The following EDIL3 variants were observed in gnomAD, a reference collection of about 807,000 sequenced individuals.
EDIL3 encodes the protein EGF like and discoidin domains 3.
Under a neutral mutation model 67.4 loss-of-function variants are expected in EDIL3, and 37 were observed. That is an observed-to-expected ratio of 0.55 (90% CI 0.42 to 0.72). The LOEUF (loss-of-function observed/expected upper bound fraction) is 0.72, where lower values mean the gene tolerates loss of function less well. Among genes scored for constraint, EDIL3 ranks in the 30% least tolerant of loss-of-function variants. The probability of loss-of-function intolerance (pLI) is 0.00; values close to 1 mark genes in which losing one functional copy is unlikely to be tolerated. For missense variants in EDIL3, 527 were observed against 586.3 expected, an observed-to-expected ratio of 0.90 and a Z score of 1.04; for synonymous variants, 195 against 196.3, an observed-to-expected ratio of 0.99 and a Z score of 0.05.
intron 9 of EDIL3, among the ~76,000 whole-genome samples, chr5:83,967,970 A>C (rs1014349262): frequency 6.6e-6 from 1 of 152,138 alleles, no homozygotes; most frequent in East Asian, 1.9e-4. Context: ...TTAACTCATT[A>C]AACGGAAATG....
At chr5:84,378,614 C>T (rs1748016990) in intron 1 of EDIL3, among the ~76,000 whole-genome samples, 1 of 152,178 alleles carries the variant, frequency 6.6e-6, no homozygotes, top group Admixed American at 6.5e-5. Flanking sequence ...TAAGACCTAA[C>T]TATGACATCT....
intron 1 of EDIL3, among the ~76,000 whole-genome samples, chr5:84,327,889 C>T (rs1293524273): frequency 6.6e-6 from 1 of 151,950 alleles, no homozygotes; most frequent in Non-Finnish European, 1.5e-5. Context: ...TCCTCCTTCG[C>T]CCCTTGAGAG....
chr5:84,202,991 A>G (rs1743878553), intron 3 of EDIL3, among the ~76,000 whole-genome samples: 1 of 152,176 alleles, frequency 6.6e-6, no homozygotes, highest in African/African-American at 2.4e-5. Context: ...GAGACTGGAA[A>G]GACTATATTC....
intron 2 of EDIL3, among the ~76,000 whole-genome samples, chr5:84,235,444 T>C (rs1235364065): frequency 2.6e-5 from 4 of 152,164 alleles, no homozygotes; most frequent in Admixed American, 2.0e-4. Flanking sequence ...ATGGCATCCA[T>C]TGAAGTATTG....
chr5:84,110,171 C>T (rs2112286978), intron 5 of EDIL3, among the ~76,000 whole-genome samples: 1 of 152,118 alleles, frequency 6.6e-6, no homozygotes, highest in South Asian at 2.1e-4. Context: ...GCTTTTTTTG[C>T]TTCTAAACAG....
intron 6 of EDIL3, among the ~76,000 whole-genome samples, chr5:84,098,508 AT>A (rs1281888829): frequency 6.6e-6 from 1 of 151,322 alleles, no homozygotes; most frequent in Non-Finnish European, 1.5e-5. Context: ...CTTCTAAAAA[AT>A]AACTTAGAAA....
intron 6 of EDIL3, among the ~76,000 whole-genome samples, chr5:84,070,953 C>G (rs1327794113): frequency 3.3e-5 from 5 of 152,282 alleles, no homozygotes; most frequent in Non-Finnish European, 7.3e-5. Flanking sequence ...TTCTATTTCT[C>G]TTTCTCATTC....
At chr5:84,139,293 T>C (rs1275485081) in intron 4 of EDIL3, among the ~76,000 whole-genome samples, 1 of 113,650 alleles carries the variant, frequency 8.8e-6, no homozygotes, top group African/African-American at 3.6e-5. Context: ...TGTACAAAAA[T>C]GAAGGATGGA....
intron 9 of EDIL3, among the ~76,000 whole-genome samples, chr5:84,004,453 A>C (rs185822248): frequency 0.016 from 2,452 of 152,198 alleles, 61 homozygotes; most frequent in African/African-American, 0.049. Context: ...TTAAAAAAAA[A>C]TCCAAAATTA....
rs531113858 is a variant in EDIL3 at position 83,959,849 on chromosome 5, CTA to C, written c.1293+3354_1293+3355del. 2.4e-3 allele frequency among the ~76,000 whole-genome samples: 354 copies of C among 150,544 alleles called. 1 individual carries two copies. The highest frequency in any genetic ancestry group is 8.2e-3 in the African/African-American group (337 of 41,252). On this transcript the variant is annotated intron_variant, in intron 10 of 10. Transcript: ENST00000296591. ...TAAAGCAAAAGAGTTATTTTGATAC[CTA>C]TCAAAAACATATTTCATTGATATAT...
At chr5:84,045,929 T>C (rs1746215204) in intron 9 of EDIL3, among the ~76,000 whole-genome samples, 1 of 152,226 alleles carries the variant, frequency 6.6e-6, no homozygotes, top group African/African-American at 2.4e-5. Flanking sequence ...ATAGCATTAC[T>C]GGCTTTGAGG....
intron 1 of EDIL3, among the ~76,000 whole-genome samples, chr5:84,345,497 T>A (rs1747218766): frequency 6.6e-6 from 1 of 152,180 alleles, no homozygotes; most frequent in East Asian, 1.9e-4. Flanking sequence ...AATACAATGT[T>A]GCCAGATGCT....
intron 9 of EDIL3, among the ~76,000 whole-genome samples, chr5:83,984,327 A>G (rs1260973901): frequency 6.6e-6 from 1 of 152,064 alleles, no homozygotes; most frequent in African/African-American, 2.4e-5. Context: ...ACAACAGGTA[A>G]AGCTCTAAGT....
intron 10 of EDIL3, among the ~76,000 whole-genome samples, chr5:83,954,100 CT>C (rs1274800182): frequency 6.6e-6 from 1 of 151,620 alleles, no homozygotes; most frequent in Non-Finnish European, 1.5e-5. Flanking sequence ...AAGGGGGAGA[CT>C]TTTAATTGCT....
intron 9 of EDIL3, among the ~76,000 whole-genome samples, chr5:84,017,571 C>A (rs1337582574): frequency 2.8e-4 from 42 of 152,076 alleles, no homozygotes; most frequent in Admixed American, 2.7e-3. Flanking sequence ...TTTGGCACAC[C>A]AGTGCACATT....
At chr5:84,353,834 C>T (rs1189424983) in intron 1 of EDIL3, among the ~76,000 whole-genome samples, 3 of 152,120 alleles carry the variant, frequency 2.0e-5, no homozygotes, top group African/African-American at 7.2e-5. Flanking sequence ...TGTGGATTAA[C>T]ATTATATTTA....
intron 1 of EDIL3, among the ~76,000 whole-genome samples, chr5:84,342,260 A>G (rs1437693221): frequency 6.6e-6 from 1 of 152,080 alleles, no homozygotes; most frequent in Non-Finnish European, 1.5e-5. Context: ...CAGACACAGA[A>G]AGACAAATAC....
rs114724510 is a variant in EDIL3, at chr5:84,138,557, A to G, written c.356-1203T>C. Among the ~76,000 whole-genome samples the G allele has an allele frequency of 4.3e-3, 659 of 152,330 alleles. 5 individuals are homozygous for G. Among genetic ancestry groups the G allele is most frequent in the Non-Finnish European group, 4.7e-3 (323 of 68,032 alleles). The stretch of plus-strand genomic sequence containing the variant: ...ATAACATATCAAATGATAGTTCTGA[A>G]GTCTTGGGCTATTACAGTTGCTTAA... On this transcript the variant is annotated intron_variant, in intron 4 of 10. Transcript: ENST00000296591.
chr5:84,115,628 A>G (rs556348807), intron 5 of EDIL3, among the ~76,000 whole-genome samples: 2 of 152,314 alleles, frequency 1.3e-5, no homozygotes, highest in South Asian at 4.1e-4. Context: ...AGAAGAGTTC[A>G]TTGTAGTTTG....
Sources: allele counts gnomAD v4.1 joint callset (sites outside exome capture counted in the v4.1 genomes callset), GRCh38; gene constraint gnomAD v4.1.1; transcripts MANE v1.5; gene names NCBI Gene and HGNC (gene_info 2026-07-23, HGNC 2026-07-21).